MBTPS1: variants seen among roughly 807,000 people sequenced by gnomAD.
MBTPS1 encodes membrane-bound transcription factor site-1 protease.
Under a neutral mutation model 127.8 loss-of-function variants are expected in MBTPS1, and 94 were observed. The ratio of observed to expected loss-of-function variants is 0.74; its 90% CI spans 0.62 to 0.87. MBTPS1 has a LOEUF of 0.87. MBTPS1 is among the 40% of genes least tolerant of loss of function. The probability of loss-of-function intolerance (pLI) is 0.00; values close to 1 mark genes in which losing one functional copy is unlikely to be tolerated. For synonymous variants in MBTPS1, 632 were observed against 509.4 expected (o/e 1.24, Z -3.24); for missense variants, 1,636 against 1,353.2 (o/e 1.21, Z -3.28).
chr16:84,055,886 A>G, intron 22 of MBTPS1, 119 bp downstream of exon 22: 1 of 1,164,058 alleles, frequency 8.6e-7, no homozygotes, highest in Non-Finnish European at 1.2e-6. Flanking sequence ...CAAGGCCACC[A>G]CAGCTCCCAG....
At chr16:84,109,713 T>C (rs533526820) in intron 1 of MBTPS1, 4 of 152,164 alleles carry the variant, frequency 2.6e-5, no homozygotes, top group Non-Finnish European at 1.5e-5. Context: ...TGCCCCAGAT[T>C]GAAGGAGACT....
chr16:84,100,999 C>CAA (rs562200642), intron 2 of MBTPS1, among the ~76,000 whole-genome samples: 22,164 of 68,266 alleles, frequency 0.32, 2,595 homozygotes, highest in Non-Finnish European at 0.4. Context: ...ACTAAAAATA[C>CAA]AAAAAAAAAA....
intron 9 of MBTPS1, 68 bp downstream of exon 9, chr16:84,087,290 A>G (rs1236780236): frequency 8.0e-7 from 1 of 1,249,422 alleles, no homozygotes; most frequent in Non-Finnish European, 1.2e-6. Flanking sequence ...AGGCTCGTCA[A>G]CAACCGGTGC....
intron 19 of MBTPS1, among the ~76,000 whole-genome samples, chr16:84,062,077 C>G (rs2085621903): frequency 6.6e-6 from 1 of 152,110 alleles, no homozygotes; most frequent in African/African-American, 2.4e-5. Context: ...AAACATTAAC[C>G]TCCTTTAACT....
At chr16:84,105,870 T>C (rs80125726) in intron 1 of MBTPS1, among the ~76,000 whole-genome samples, 10,549 of 152,152 alleles carry the variant, frequency 0.069, 458 homozygotes, top group Admixed American at 0.11. Flanking sequence ...GGAGTAGGGA[T>C]AGAGTAATGA....
chr16:84,081,389 G>C (rs1008466563), intron 11 of MBTPS1: 1 of 160,498 alleles, frequency 6.2e-6, no homozygotes, highest in African/African-American at 2.4e-5. Flanking sequence ...CATCTGAAAT[G>C]GTGGCATCAG....
At chr16:84,076,023 T>C (rs1417755058) in intron 11 of MBTPS1, among the ~76,000 whole-genome samples, 1 of 152,244 alleles carries the variant, frequency 6.6e-6, no homozygotes, top group Non-Finnish European at 1.5e-5. Flanking sequence ...TAATTCAACA[T>C]GATTTAACTA....
intron 18 of MBTPS1, 111 bp downstream of exon 18, chr16:84,065,579 G>C: frequency 2.7e-6 from 2 of 747,310 alleles, no homozygotes; most frequent in Non-Finnish European, 4.7e-6. Flanking sequence ...TAAATTATAT[G>C]CAATAAAGCT....
intron 19 of MBTPS1, 22 bp from the exon 20 acceptor site, chr16:84,060,835 T>G: frequency 6.5e-7 from 1 of 1,545,142 alleles, no homozygotes; most frequent in South Asian, 1.2e-5. Flanking sequence ...ACAAGCCTGT[T>G]TAGGAATTCC....
intron 19 of MBTPS1, among the ~76,000 whole-genome samples, chr16:84,061,996 C>G (rs1338183749): frequency 6.6e-6 from 1 of 152,176 alleles, no homozygotes; most frequent in Non-Finnish European, 1.5e-5. Context: ...TAGGACCACC[C>G]TCTCAGGCAT....
At chr16:84,058,610 AAAGT>A (rs2085556421) in intron 21 of MBTPS1, among the ~76,000 whole-genome samples, 2 of 152,180 alleles carry the variant, frequency 1.3e-5, no homozygotes, top group African/African-American at 2.4e-5. Context: ...CGTCACAGAA[AAAGT>A]AAGGGGGTGG....
At chr16:84,077,109 C>A (rs897364774) in intron 11 of MBTPS1, among the ~76,000 whole-genome samples, 1 of 151,580 alleles carries the variant, frequency 6.6e-6, no homozygotes, top group Non-Finnish European at 1.5e-5. Context: ...ACCTGCAGTC[C>A]ACCTACTTGG....
chr16:84,085,263 G>C (rs1432930668), intron 9 of MBTPS1, 129 bp from the exon 10 acceptor site: 10 of 941,092 alleles, frequency 1.1e-5, no homozygotes, highest in South Asian at 3.3e-5. Flanking sequence ...GAAGGTACTG[G>C]TTTTAGTCTG....
intron 7 of MBTPS1, 141 bp from the exon 8 acceptor site, chr16:84,091,083 G>A: frequency 1.5e-6 from 1 of 688,528 alleles, no homozygotes; most frequent in Admixed American, 2.6e-5. Context: ...GGATGTGCTG[G>A]CAACTTGCAT....
At chr16:84,062,824 C>G (rs1165488970) in intron 19 of MBTPS1, among the ~76,000 whole-genome samples, 3 of 152,232 alleles carry the variant, frequency 2.0e-5, no homozygotes, top group African/African-American at 7.2e-5. Context: ...ATAACAAACG[C>G]TCTTCACTGA....
At chr16:84,099,574 A>C (rs1407126897) in intron 2 of MBTPS1, among the ~76,000 whole-genome samples, 3 of 152,018 alleles carry the variant, frequency 2.0e-5, no homozygotes, top group Non-Finnish European at 4.4e-5. Context: ...TTACGAGGTG[A>C]GGAGTTTGAG....
In MBTPS1 at chr16:84,063,373, G is replaced by A. The variant is rs2085640921; in HGVS notation, c.2504C>T (p.Ala835Val). The part of the protein sequence containing the change: ...VPILGLYQIP[A>V]EGGGRIVLYG... ...CAGTACAATCCGGCCTCCACCCTCAGCTGGAATCTGATAAAGTCCCAAAAT... is the reference window on the plus strand; with the variant it reads ...CAGTACAATCCGGCCTCCACCCTCAACTGGAATCTGATAAAGTCCCAAAAT... Residue 835 changes from alanine to valine, a missense_variant, in exon 19 of 23, where the codon GCT (alanine) becomes GTT (valine). Transcript: ENST00000343411. 2 of 1,613,964 alleles carry A rather than the reference G, an allele frequency of 1.2e-6. No individual in the cohort carries two copies. Among genetic ancestry groups the A allele is most frequent in the South Asian group, 2.2e-5 (2 of 91,092 alleles).
At chr16:84,086,232 G>C (rs2086022323) in intron 9 of MBTPS1, 1 of 152,236 alleles carries the variant, frequency 6.6e-6, no homozygotes, top group African/African-American at 2.4e-5. Context: ...TGAAGGCCAT[G>C]GACGTGACAT....
At chr16:84,108,918 G>A (rs1445858247) in intron 1 of MBTPS1, among the ~76,000 whole-genome samples, 1 of 152,216 alleles carries the variant, frequency 6.6e-6, no homozygotes, top group Non-Finnish European at 1.5e-5. Context: ...TTCAGTATCA[G>A]AACAAAATGA....
Sources: gnomAD v4.1 joint callset for allele counts (sites outside exome capture counted in the v4.1 genomes callset) on GRCh38, gnomAD v4.1.1 for gene constraint, MANE v1.5 for transcripts, NCBI Gene and HGNC (gene_info 2026-07-23, HGNC 2026-07-21) for gene names.